The following KCNQ1 variants were observed in gnomAD, a reference collection of about 807,000 sequenced individuals.
KCNQ1 encodes potassium voltage-gated channel subfamily Q member 1.
KCNQ1 carries 49 observed loss-of-function variants against 72.4 expected under a neutral mutation model. That is an observed-to-expected ratio of 0.68 (90% confidence interval 0.54 to 0.86). KCNQ1 has a LOEUF of 0.86. KCNQ1 is among the 40% of genes least tolerant of loss of function. The pLI is 0.00. For synonymous variants in KCNQ1, 450 were observed against 412.6 expected (o/e 1.09, Z -1.10); for missense variants, 790 against 945.1 (o/e 0.84, Z 2.15).
rs1284346400 is a variant in KCNQ1 at position 2,592,838 on chromosome 11, T to C, written c.1393+3984T>C. On this transcript the variant is annotated intron_variant, in intron 10 of 15. Coordinates refer to ENST00000155840, the MANE Select transcript of KCNQ1 (RefSeq NM_000218.3). This position sits in a 1 kb window ranked among gnomAD's most constrained non-coding sequence, Gnocchi z 5.2. ...CCTGCCCAGAGGGTCCAAGCGGGCA[T>C]GGCCATCCACATCTGCAGGTCAGAA... 2.0e-5 allele frequency among the ~76,000 whole-genome samples: 3 copies of C among 152,184 alleles called. No homozygotes were observed. Among genetic ancestry groups the C allele is most frequent in the Non-Finnish European group, 4.4e-5 (3 of 68,022 alleles).
intron 11 of KCNQ1, chr11:2,700,094 C>G (rs1020531061): frequency 2.5e-6 from 1 of 397,812 alleles, no homozygotes; most frequent in Admixed American, 4.4e-5. Flanking sequence ...AGGCTTGCGG[C>G]GGGCTGCTGC....
rs1477425209 is a variant in KCNQ1 at position 2,661,464 on chromosome 11, T to C, written c.1394-497T>C. 2.3e-6 allele frequency: 1 copy of C among 439,246 alleles called. No homozygotes were observed. Among genetic ancestry groups the C allele is most frequent in the Non-Finnish European group, 4.0e-6 (1 of 249,840 alleles). The allele number at this position is 439,246 out of a possible 1,614,324, so 27.2% of individuals were successfully genotyped here. On this transcript the variant is annotated intron_variant, in intron 10 of 15. Transcript: ENST00000155840. This position sits in a 1 kb window ranked among gnomAD's most constrained non-coding sequence, Gnocchi z 5.9. ...GCATCGTGTTTTGAGGAAGGAGTTC[T>C]GTGGCTGCCCCCACCTCCCAGGCTT... is the stretch of plus-strand genomic sequence containing the variant.
Position 2,612,994 on chromosome 11 carries a change from T to C in KCNQ1, c.1393+24140T>C, listed in dbSNP as rs1232986481. ...TGCAGCCACTGGTGTCTTTGCTCAG[T>C]TTTGTTTGTTTTAATTCTTATGTTT... is the stretch of plus-strand genomic sequence containing the variant. On this transcript the variant is annotated intron_variant, in intron 10 of 15. Transcript: ENST00000155840. This position sits in a 1 kb window ranked among gnomAD's most constrained non-coding sequence, Gnocchi z 5.5. The C allele has an allele frequency of 2.5e-6, 1 of 398,564 alleles. No individual in the cohort carries two copies. Among genetic ancestry groups the C allele is most frequent in the Non-Finnish European group, 4.4e-6 (1 of 226,088 alleles). The allele number at this position is 398,564 out of a possible 1,614,324, so 24.7% of individuals were successfully genotyped here.
Position 2,690,192 on chromosome 11 carries a change from G to C in KCNQ1, c.1514+28111G>C, listed in dbSNP as rs1850565877. The C allele has an allele frequency of 2.5e-6, 1 of 398,688 alleles. No individual in the cohort carries two copies. Among genetic ancestry groups the C allele is most frequent in the East Asian group, 3.6e-5 (1 of 28,090 alleles). The allele number at this position is 398,688 out of a possible 1,614,324, so 24.7% of individuals were successfully genotyped here. On this transcript the variant is annotated intron_variant, in intron 11 of 15. Transcript: ENST00000155840. The surrounding 1 kb of genome is among the most constrained non-coding windows in gnomAD (Gnocchi z 5.1). The stretch of plus-strand genomic sequence containing the variant: ...GGAAGGCTGGTCTCTCCAGAGACTG[G>C]GCTAAACTCTGCTGTGTCAAGTGCC...
chr11:2,820,778 A>C (rs1847716739), intron 15 of KCNQ1, among the ~76,000 whole-genome samples: 1 of 152,112 alleles, frequency 6.6e-6, no homozygotes, highest in Admixed American at 6.5e-5. Flanking sequence ...TGAGGGTTTG[A>C]GTCTGCGTGG....
chr11:2,590,796 C>A (rs1279641424), intron 10 of KCNQ1, among the ~76,000 whole-genome samples: 1 of 152,180 alleles, frequency 6.6e-6, no homozygotes, highest in Non-Finnish European at 1.5e-5. Flanking sequence ...CTCCATGTGG[C>A]CCAGTCCCTT....
In KCNQ1 at chr11:2,538,195, T is replaced by C. The variant is rs990431987; in HGVS notation, c.477+10177T>C. Among the ~76,000 whole-genome samples the C allele has an allele frequency of 9.9e-5, 15 of 152,176 alleles. No homozygotes were observed. The highest frequency in any genetic ancestry group is 6.5e-4 in the Admixed American group (10 of 15,282). On this transcript the variant is annotated intron_variant, in intron 2 of 15. Coordinates refer to ENST00000155840, the MANE Select transcript of KCNQ1 (RefSeq NM_000218.3). This position sits in a 1 kb window ranked among gnomAD's most constrained non-coding sequence, Gnocchi z 6.7. Reference sequence around the variant, plus strand: ...ATTTAAGGCTCGTCACTGGTCCCAGTGAGTGTGGCTGGTTTTTTCTCATTG... The same window carrying C: ...ATTTAAGGCTCGTCACTGGTCCCAGCGAGTGTGGCTGGTTTTTTCTCATTG...
intron 8 of KCNQ1, 89 bp downstream of exon 8, chr11:2,585,396 T>G (rs1416286913): frequency 3.4e-6 from 4 of 1,178,028 alleles, no homozygotes; most frequent in Non-Finnish European, 3.7e-6. Flanking sequence ...AGAACCATCA[T>G]TGGCCCCTGC....
rs966025573 is a variant in KCNQ1, at chr11:2,748,978, C to T, written c.1515-19866C>T. 3.3e-5 allele frequency among the ~76,000 whole-genome samples: 5 copies of T among 152,150 alleles called. No individual in the cohort carries two copies. Among genetic ancestry groups the T allele is most frequent in the African/African-American group, 9.7e-5 (4 of 41,430 alleles). On this transcript the variant is annotated intron_variant, in intron 11 of 15. Transcript: ENST00000155840. This position sits in a 1 kb window ranked among gnomAD's most constrained non-coding sequence, Gnocchi z 6.2. The stretch of plus-strand genomic sequence containing the variant: ...CTTTGACGTGAGCTATTCAAAATGG[C>T]GGGAGGGGCGAGGCCTCTGGAGCAA...
rs1224139167 is a variant in KCNQ1, at chr11:2,595,736, C to T, written c.1393+6882C>T. Reference sequence around the variant, plus strand: ...TTCTTATGGCTGCTAACACAACATCCATTCTGCAGCCCATAATCAAGGAGT... The same window carrying T: ...TTCTTATGGCTGCTAACACAACATCTATTCTGCAGCCCATAATCAAGGAGT... On this transcript the variant is annotated intron_variant, in intron 10 of 15. Coordinates refer to ENST00000155840, the MANE Select transcript of KCNQ1 (RefSeq NM_000218.3). The surrounding 1 kb of genome is among the most constrained non-coding windows in gnomAD (Gnocchi z 5.0). 2.0e-5 allele frequency among the ~76,000 whole-genome samples: 3 copies of T among 152,186 alleles called. No individual in the cohort carries two copies. Among genetic ancestry groups the T allele is most frequent in the African/African-American group, 7.2e-5 (3 of 41,436 alleles).
chr11:2,556,943 A>G (rs1044306197), intron 2 of KCNQ1, among the ~76,000 whole-genome samples: 11 of 152,270 alleles, frequency 7.2e-5, no homozygotes, highest in African/African-American at 2.4e-4. Context: ...ATATAAGGAC[A>G]GAAAGAGTCA....
Position 2,447,326 on chromosome 11 carries a change from GA to G in KCNQ1, c.386+1845del, listed in dbSNP as rs1428003400. ...ATGGCTTCTGTGAAGGGGTGGCCAG[GA>G]AAGGGATGCTTCTGTGAAGTGGCCA... On this transcript the variant is annotated intron_variant, in intron 1 of 15. Coordinates refer to ENST00000155840, the MANE Select transcript of KCNQ1 (RefSeq NM_000218.3). The surrounding 1 kb of genome is among the most constrained non-coding windows in gnomAD (Gnocchi z 7.6). Among the ~76,000 whole-genome samples the G allele has an allele frequency of 1.3e-5, 2 of 152,304 alleles. No individual in the cohort carries two copies. The highest frequency in any genetic ancestry group is 1.9e-4 in the East Asian group (1 of 5,180).
In KCNQ1 at chr11:2,778,040, A is replaced by G. The variant is rs969435952; in HGVS notation, c.1794+3A>G. ...GCCTGAACCGAGTAGAAGACAAGGT[A>G]GGCTCACGCGCCGGCCTGCGGTGGT... On this transcript the variant is annotated splice_donor_region_variant and intron_variant, in intron 15 of 15. Transcript: ENST00000155840. The G allele has an allele frequency of 6.2e-7, 1 of 1,613,478 alleles. No individual in the cohort carries two copies. The highest frequency in any genetic ancestry group is 8.5e-7 in the Non-Finnish European group (1 of 1,179,954).
chr11:2,687,145 C>T lies in KCNQ1; in HGVS notation c.1514+25064C>T, dbSNP rs1029456548. On this transcript the variant is annotated intron_variant, in intron 11 of 15. Transcript: ENST00000155840. This position sits in a 1 kb window ranked among gnomAD's most constrained non-coding sequence, Gnocchi z 5.0. Reference sequence around the variant, plus strand: ...TGCACAGGGAGGGGAGGAATCTGAGCCAGCTTCCTCCACAAAGCACAGAAG... The same window carrying T: ...TGCACAGGGAGGGGAGGAATCTGAGTCAGCTTCCTCCACAAAGCACAGAAG... The T allele has an allele frequency of 1.0e-5, 4 of 398,502 alleles. No homozygotes were observed. Among genetic ancestry groups the T allele is most frequent in the African/African-American group, 8.2e-5 (4 of 48,612 alleles). The allele number at this position is 398,502 out of a possible 1,614,324, so 24.7% of individuals were successfully genotyped here.
At chr11:2,594,002 TGTC>T (rs1848704173) in intron 10 of KCNQ1, among the ~76,000 whole-genome samples, 1 of 152,246 alleles carries the variant, frequency 6.6e-6, no homozygotes, top group Non-Finnish European at 1.5e-5. Context: ...ATTTTGGTTT[TGTC>T]TTTTAAACAA....
At position 2,723,518 on chromosome 11, in the gene KCNQ1, G is replaced by T. The variant is rs748601668; in HGVS notation, c.1515-45326G>T. Among the ~76,000 whole-genome samples the T allele has an allele frequency of 2.6e-5, 4 of 152,220 alleles. No individual in the cohort carries two copies. Among genetic ancestry groups the T allele is most frequent in the Non-Finnish European group, 5.9e-5 (4 of 68,038 alleles). The stretch of plus-strand genomic sequence containing the variant: ...ACACAGGCAGCCCCACACCTGGTCC[G>T]CTGTTCTGTCCTTACTGTAGCAGTG... On this transcript the variant is annotated intron_variant, in intron 11 of 15. Coordinates refer to ENST00000155840, the MANE Select transcript of KCNQ1 (RefSeq NM_000218.3). This position sits in a 1 kb window ranked among gnomAD's most constrained non-coding sequence, Gnocchi z 4.2.
chr11:2,543,547 T>C lies in KCNQ1; in HGVS notation c.477+15529T>C, dbSNP rs559443014. Among the ~76,000 whole-genome samples, 54 of 152,228 alleles carry C rather than the reference T, an allele frequency of 3.5e-4. No homozygotes were observed. Among genetic ancestry groups the C allele is most frequent in the Non-Finnish European group, 6.3e-4 (43 of 68,034 alleles). On this transcript the variant is annotated intron_variant, in intron 2 of 15. Coordinates refer to ENST00000155840, the MANE Select transcript of KCNQ1 (RefSeq NM_000218.3). This position sits in a 1 kb window ranked among gnomAD's most constrained non-coding sequence, Gnocchi z 5.6. ...CCTCGGCCTCCCAAAGCGCTGGAAT[T>C]ACAGGTGTGAGCCACTGCTCCAGGC...
At chr11:2,686,575 G>A in intron 11 of KCNQ1, 1 of 398,706 alleles carries the variant, frequency 2.5e-6, no homozygotes, top group Non-Finnish European at 4.4e-6. Context: ...CAGCTGTGGT[G>A]ACTAGAATGG....
At chr11:2,737,905 G>A (rs1845986074) in intron 11 of KCNQ1, among the ~76,000 whole-genome samples, 1 of 152,164 alleles carries the variant, frequency 6.6e-6, no homozygotes, top group African/African-American at 2.4e-5. Context: ...AGGGGTTGGT[G>A]CCCCCTGCCC....
Sources: allele counts gnomAD v4.1 joint callset (sites outside exome capture counted in the v4.1 genomes callset), GRCh38; gene constraint gnomAD v4.1.1; non-coding constraint Gnocchi (gnomAD v3.1); transcripts MANE v1.5; gene names NCBI Gene and HGNC (gene_info 2026-07-23, HGNC 2026-07-21).